COLEC12: variants seen among roughly 807,000 people sequenced by gnomAD.
COLEC12 encodes the protein collectin subfamily member 12.
Under a neutral mutation model 71.1 loss-of-function variants are expected in COLEC12, and 33 were observed. That is an observed-to-expected ratio of 0.46 (90% CI 0.35 to 0.62). The LOEUF (loss-of-function observed/expected upper bound fraction) is 0.62, where lower values mean the gene tolerates loss of function less well. COLEC12 is among the 20% of genes least tolerant of loss of function. The probability of loss-of-function intolerance (pLI) is 0.00; values close to 1 mark genes in which losing one functional copy is unlikely to be tolerated. For missense variants in COLEC12, 765 were observed against 916.1 expected, an observed-to-expected ratio of 0.84 and a Z score of 2.13; for synonymous variants, 350 against 353.0, an observed-to-expected ratio of 0.99 and a Z score of 0.10.
At chr18:488,298 T>C (rs1039781724) in intron 1 of COLEC12, among the ~76,000 whole-genome samples, 1 of 151,234 alleles carries the variant, frequency 6.6e-6, no homozygotes, top group African/African-American at 2.4e-5. Context: ...GTAATCCCAA[T>C]TACTAGGGAG....
chr18:396,516 G>T (rs527432731), intron 2 of COLEC12, among the ~76,000 whole-genome samples: 50 of 152,346 alleles, frequency 3.3e-4, no homozygotes, highest in African/African-American at 1.2e-3. Flanking sequence ...CATATTATGG[G>T]TTGAAAAGTA....
intron 2 of COLEC12, among the ~76,000 whole-genome samples, chr18:422,230 G>A (rs1037562099): frequency 8.5e-5 from 13 of 152,116 alleles, no homozygotes; most frequent in Admixed American, 5.9e-4. Context: ...ATCTAACTTG[G>A]GGCACCTTTA....
intron 2 of COLEC12, among the ~76,000 whole-genome samples, chr18:410,929 T>C (rs1915881405): frequency 6.6e-6 from 1 of 152,030 alleles, no homozygotes; most frequent in Non-Finnish European, 1.5e-5. Flanking sequence ...AAAGCCTGGG[T>C]GGGGAACCCA....
chr18:412,728 G>A (rs1915916609), intron 2 of COLEC12, among the ~76,000 whole-genome samples: 1 of 152,132 alleles, frequency 6.6e-6, no homozygotes, highest in Non-Finnish European at 1.5e-5. Context: ...ACTAGAACTA[G>A]CGAAATGACA....
chr18:432,552 T>C lies in COLEC12; in HGVS notation c.58+48155A>G, dbSNP rs1916325167. Among the ~76,000 whole-genome samples the C allele has an allele frequency of 3.9e-5, 6 of 152,132 alleles. No homozygotes were observed. The South Asian group carries it at 1.2e-3, about 32-fold the overall frequency. ...TTGATACATTAGGGAAAAATTTGGG[T>C]GTATCATGAATTTTGCATTTTTGCT... On this transcript the variant is annotated intron_variant, in intron 2 of 9. Coordinates refer to ENST00000400256, the MANE Select transcript of COLEC12 (RefSeq NM_130386.3).
intron 2 of COLEC12, among the ~76,000 whole-genome samples, chr18:371,652 G>A (rs1420142648): frequency 6.6e-6 from 1 of 152,132 alleles, no homozygotes; most frequent in Admixed American, 6.5e-5. Flanking sequence ...ACAGGAGAAA[G>A]GGGAGCTGCG....
intron 2 of COLEC12, among the ~76,000 whole-genome samples, chr18:449,812 C>T (rs1051666616): frequency 1.3e-5 from 2 of 152,228 alleles, no homozygotes; most frequent in African/African-American, 2.4e-5. Context: ...ACCCATGTAC[C>T]TGGCTGAGAC....
chr18:441,366 C>G (rs534711156), intron 2 of COLEC12, among the ~76,000 whole-genome samples: 1 of 152,164 alleles, frequency 6.6e-6, no homozygotes, highest in African/African-American at 2.4e-5. Flanking sequence ...TAAGGACCAT[C>G]TTTGGAAACT....
chr18:404,382 T>G (rs185331431), intron 2 of COLEC12, among the ~76,000 whole-genome samples: 47 of 152,350 alleles, frequency 3.1e-4, no homozygotes, highest in Admixed American at 3.1e-3. Context: ...TTTAAAGGTA[T>G]TATCAGTGTG....
At chr18:368,886 CACAAAAACAAA>C (rs2143529012) in intron 2 of COLEC12, among the ~76,000 whole-genome samples, 1 of 152,070 alleles carries the variant, frequency 6.6e-6, no homozygotes, top group East Asian at 1.9e-4. Flanking sequence ...CAAAACAAAA[CACAAAAACAAA>C]ACAAAAAAAA....
intron 8 of COLEC12, among the ~76,000 whole-genome samples, chr18:324,504 A>G (rs1913789627): frequency 1.3e-5 from 2 of 152,078 alleles, no homozygotes; most frequent in South Asian, 2.1e-4. Context: ...ACACACATCA[A>G]ATATATATAT....
chr18:430,052 GAATA>G (rs1916272173), intron 2 of COLEC12, among the ~76,000 whole-genome samples: 1 of 152,142 alleles, frequency 6.6e-6, no homozygotes, highest in Non-Finnish European at 1.5e-5. Context: ...TTTGTTGAAA[GAATA>G]AATAAATCCG....
At chr18:497,383 G>GGGGTGTGTGTGTGTGT (rs373079894) in intron 1 of COLEC12, among the ~76,000 whole-genome samples, 2 of 147,052 alleles carry the variant, frequency 1.4e-5, no homozygotes, top group Non-Finnish European at 3.0e-5. Flanking sequence ...TAAAGAATGG[G>GGGGTGTGTGTGTGTGT]GTGTGTGTGT....
At chr18:336,160 G>A (rs957380057) in intron 5 of COLEC12, among the ~76,000 whole-genome samples, 2 of 152,158 alleles carry the variant, frequency 1.3e-5, no homozygotes, top group Non-Finnish European at 2.9e-5. Flanking sequence ...CTTCCTCTCT[G>A]TTGTACCCCA....
rs373606934 is a variant in COLEC12 at position 475,458 on chromosome 18, T to C, written c.58+5249A>G. 6.6e-5 allele frequency among the ~76,000 whole-genome samples: 10 copies of C among 152,116 alleles called. No individual in the cohort carries two copies. The South Asian group carries it at 2.1e-3, about 32-fold the overall frequency. On this transcript the variant is annotated intron_variant, in intron 2 of 9. Coordinates refer to ENST00000400256, the MANE Select transcript of COLEC12 (RefSeq NM_130386.3). Reference sequence around the variant, plus strand: ...TAGATGGCTTCAAATCAACACCTTGTCCAAATTAGAAGATGAAGCCAGGCT... The same window carrying C: ...TAGATGGCTTCAAATCAACACCTTGCCCAAATTAGAAGATGAAGCCAGGCT...
chr18:485,264 C>A (rs992437364), intron 1 of COLEC12, among the ~76,000 whole-genome samples: 4 of 152,188 alleles, frequency 2.6e-5, no homozygotes, highest in African/African-American at 9.6e-5. Context: ...TCTTTAGCAA[C>A]TTAATACTTC....
chr18:441,714 C>T (rs1400063976), intron 2 of COLEC12, among the ~76,000 whole-genome samples: 1 of 152,026 alleles, frequency 6.6e-6, no homozygotes, highest in Non-Finnish European at 1.5e-5. Flanking sequence ...AGGAAACTGA[C>T]CAGGCACAGT....
chr18:437,122 C>T (rs189501710), intron 2 of COLEC12, among the ~76,000 whole-genome samples: 2 of 152,312 alleles, frequency 1.3e-5, no homozygotes, highest in East Asian at 3.9e-4. Flanking sequence ...GGACAGTAGG[C>T]TGTCTTGGCC....
At chr18:344,896 G>T (rs1482264083) in intron 5 of COLEC12, among the ~76,000 whole-genome samples, 1 of 152,218 alleles carries the variant, frequency 6.6e-6, no homozygotes, top group African/African-American at 2.4e-5. Flanking sequence ...CACAAGCATT[G>T]CTTTAGCAGG....
Sources: gnomAD v4.1 joint callset for allele counts (sites outside exome capture counted in the v4.1 genomes callset) on GRCh38, gnomAD v4.1.1 for gene constraint, MANE v1.5 for transcripts, NCBI Gene and HGNC (gene_info 2026-07-23, HGNC 2026-07-21) for gene names.